Variants in ZC3HAV1 observed in about 807,000 individuals in gnomAD.
The protein encoded by ZC3HAV1 is zinc finger CCCH-type containing, antiviral 1.
In ZC3HAV1, 41 loss-of-function variants were observed where a neutral mutation model predicts 86.6. The ratio of observed to expected loss-of-function variants is 0.47; its 90% CI spans 0.37 to 0.61. The LOEUF is 0.61. Among genes scored for constraint, ZC3HAV1 ranks in the 20% least tolerant of loss-of-function variants. The pLI, the probability that ZC3HAV1 is intolerant of heterozygous loss-of-function variation, is 0.00. For missense variants in ZC3HAV1, 964 were observed against 1,141.1 expected, an observed-to-expected ratio of 0.84 and a Z score of 2.24; for synonymous variants, 421 against 432.1, an observed-to-expected ratio of 0.97 and a Z score of 0.32.
chr7:139,052,583 C>G (rs1429588481), intron 12 of ZC3HAV1, among the ~76,000 whole-genome samples: 1 of 81,646 alleles, frequency 1.2e-5, no homozygotes. Context: ...CCAGCCTGGG[C>G]AATAAAAGCG....
At chr7:139,106,644 C>CTATG (rs777072855) in intron 1 of ZC3HAV1, among the ~76,000 whole-genome samples, 21 of 152,130 alleles carry the variant, frequency 1.4e-4, no homozygotes, top group Middle Eastern at 3.4e-3. Context: ...AGGATTATGT[C>CTATG]TATGTATCCT....
In ZC3HAV1 at chr7:139,080,098, G is replaced by A. The variant is rs1479357368; in HGVS notation, c.843C>T (p.His281=). Residue 281 remains histidine, a synonymous_variant, in exon 4 of 13, where the codon CAC becomes CAT. Transcript: ENST00000242351. Reference sequence around the variant, plus strand: ...CAGGCGCGTCCTCCAGGGAAGCCCTGTGGCTGATCTGATCTGGACTAGGTG... The same window carrying A: ...CAGGCGCGTCCTCCAGGGAAGCCCTATGGCTGATCTGATCTGGACTAGGTG... ...SCTPSPDQIS[H]RASLEDAPVD... 3 of 1,614,056 alleles carry A rather than the reference G, an allele frequency of 1.9e-6. No individual in the cohort carries two copies. Among genetic ancestry groups the A allele is most frequent in the South Asian group, 2.2e-5 (2 of 91,086 alleles).
chr7:139,053,927 G>A (rs771475055), intron 11 of ZC3HAV1, 38 bp downstream of exon 11: 49 of 1,585,152 alleles, frequency 3.1e-5, no homozygotes, highest in African/African-American at 1.1e-4. Flanking sequence ...AATCCTTTCC[G>A]GTTTTATGTA....
At chr7:139,103,201 C>T (rs918885654) in intron 1 of ZC3HAV1, among the ~76,000 whole-genome samples, 3 of 150,144 alleles carry the variant, frequency 2.0e-5, no homozygotes, top group African/African-American at 7.3e-5. Context: ...CCACCACGCC[C>T]AGCTAATATT....
At chr7:139,067,806 C>A (rs1250676482) in intron 7 of ZC3HAV1, among the ~76,000 whole-genome samples, 1 of 151,924 alleles carries the variant, frequency 6.6e-6, no homozygotes, top group Admixed American at 6.6e-5. Context: ...AAAGTGAAGA[C>A]CTAAAGCTGC....
chr7:139,059,442 C>A (rs536615663), intron 9 of ZC3HAV1, among the ~76,000 whole-genome samples: 1 of 152,082 alleles, frequency 6.6e-6, no homozygotes, highest in East Asian at 1.9e-4. Flanking sequence ...CACGGTGAAA[C>A]CCTGTCTCTA....
Position 139,065,015 on chromosome 7 carries a change from A to T in ZC3HAV1, c.1873-16T>A, listed in dbSNP as rs773911069. 4 of 1,613,660 alleles carry T rather than the reference A, an allele frequency of 2.5e-6. No individual in the cohort carries two copies. The highest frequency in any genetic ancestry group is 1.3e-5 in the African/African-American group (1 of 74,872). On this transcript the variant is annotated splice_polypyrimidine_tract_variant and intron_variant, in intron 7 of 12. Transcript: ENST00000242351. ...GTTTGTCTTTCTAATTGGAAAAAAA[A>T]TAAAAGGTAAAGTCAGGGTAGGCTT...
In ZC3HAV1 at chr7:139,047,606, G is replaced by A. The variant is rs148750088; in HGVS notation, c.2697C>T (p.Cys899=). 2.2e-4 allele frequency: 359 copies of A among 1,613,822 alleles called. No homozygotes were observed. The highest frequency in any genetic ancestry group is 2.7e-4 in the Non-Finnish European group (321 of 1,179,988). Residue 899 remains cysteine (C), a synonymous_variant, in exon 13 of 13, where the codon TGC becomes TGT. Transcript: ENST00000242351. ...GTATTCATCGGTTCTAACTAATCACGCAGGCTTTGTCTTCAGTATATTCAA... is the reference window on the plus strand; with the variant it reads ...GTATTCATCGGTTCTAACTAATCACACAGGCTTTGTCTTCAGTATATTCAA... ...YVIEYTEDKA[C]VIS
intron 1 of ZC3HAV1, among the ~76,000 whole-genome samples, chr7:139,102,344 G>A (rs1817798288): frequency 1.3e-5 from 2 of 152,056 alleles, no homozygotes; most frequent in Admixed American, 1.3e-4. Flanking sequence ...TGCCCGGGCT[G>A]GTCTCGAACC....
chr7:139,099,535 A>G (rs1482192893), intron 1 of ZC3HAV1, among the ~76,000 whole-genome samples: 1 of 152,236 alleles, frequency 6.6e-6, no homozygotes, highest in Non-Finnish European at 1.5e-5. Context: ...GGCTGAGGAA[A>G]GGGGAGAATG....
At chr7:139,066,976 A>T (rs1816623856) in intron 7 of ZC3HAV1, among the ~76,000 whole-genome samples, 1 of 152,168 alleles carries the variant, frequency 6.6e-6, no homozygotes, top group Non-Finnish European at 1.5e-5. Flanking sequence ...TACTTCAGCC[A>T]GCTCCCGGGT....
At chr7:139,057,635 T>G (rs1816326136) in intron 9 of ZC3HAV1, among the ~76,000 whole-genome samples, 1 of 77,026 alleles carries the variant, frequency 1.3e-5, no homozygotes, top group Non-Finnish European at 2.4e-5. Context: ...GCCTCCCGGG[T>G]TCACGCCATT....
Position 139,053,994 on chromosome 7 carries a change from C to G in ZC3HAV1, c.2289G>C (p.Glu763Asp). ...NFKIEKIKKI[E>D]NSELLDKFTW... ...TAAATTTATCCAGGAGCTCTGAGTT[C>G]TCGATCTTCTTTATCTTTTCAATCT... The change falls in exon 11 of 13, where the codon GAG becomes GAC. Residue 763 changes from glutamate to aspartate, a missense_variant. Physicochemically the swap from Glu to Asp is conservative, Grantham distance 45. Transcript: ENST00000242351. 6.2e-7 allele frequency: 1 copy of G among 1,606,546 alleles called. No individual in the cohort carries two copies. Among genetic ancestry groups the G allele is most frequent in the Non-Finnish European group, 8.5e-7 (1 of 1,178,246 alleles).
At chr7:139,087,957 A>G (rs1014564996) in intron 2 of ZC3HAV1, among the ~76,000 whole-genome samples, 1 of 145,240 alleles carries the variant, frequency 6.9e-6, no homozygotes, top group Non-Finnish European at 1.5e-5. Flanking sequence ...ACTTCAGCCC[A>G]GGAGGTCAAG....
rs1383078944 is a variant in ZC3HAV1 at position 139,068,678 on chromosome 7, G to A, written c.1873-3679C>T. On this transcript the variant is annotated intron_variant, in intron 7 of 12. Transcript: ENST00000242351. ...CCACTAAGTCAGTGTCTGAGTACCT[G>A]CACAGCCTAGCATGGCTCCACACCG... Among the ~76,000 whole-genome samples the A allele has an allele frequency of 2.0e-5, 3 of 152,178 alleles. No homozygotes were observed. The East Asian group carries it at 5.8e-4, about 29-fold the overall frequency.
rs372920712 is a variant in ZC3HAV1, at chr7:139,080,027, C to T, written c.914G>A (p.Arg305His). The change falls in exon 4 of 13, where the codon CGC becomes CAC. Residue 305 changes from arginine (R) to histidine (H), a missense_variant. Physicochemically the swap from Arg to His is conservative, Grantham distance 29 (BLOSUM62 0). Coordinates refer to ENST00000242351, the MANE Select transcript of ZC3HAV1 (RefSeq NM_020119.4). ...GGACGAGCCTGAGGGAGGCCGAGCGCGATCCTGACTCCCCAGATACGTGAA... is the reference window on the plus strand; with the variant it reads ...GGACGAGCCTGAGGGAGGCCGAGCGTGATCCTGACTCCCCAGATACGTGAA... Reference protein sequence around the residue: ...RKFTYLGSQDRARPPSGSSKA... With the variant: ...RKFTYLGSQDHARPPSGSSKA... 103 of 1,614,052 alleles carry T rather than the reference C, an allele frequency of 6.4e-5. No individual in the cohort carries two copies. Among genetic ancestry groups the T allele is most frequent in the Non-Finnish European group, 8.1e-5 (96 of 1,180,040 alleles).
chr7:139,080,249 G>C lies in ZC3HAV1; in HGVS notation c.698-6C>G. On this transcript the variant is annotated splice_region_variant and splice_polypyrimidine_tract_variant and intron_variant, in intron 3 of 12. Transcript: ENST00000242351. ...TCTACGATGTGAAGAAGGAGCTAAGGGGAAAAAAAGCCAAAATGAAACAAA... is the reference window on the plus strand; with the variant it reads ...TCTACGATGTGAAGAAGGAGCTAAGCGGAAAAAAAGCCAAAATGAAACAAA... The C allele has an allele frequency of 6.2e-7, 1 of 1,612,658 alleles. No homozygotes were observed. Among genetic ancestry groups the C allele is most frequent in the Non-Finnish European group, 8.5e-7 (1 of 1,179,958 alleles).
chr7:139,072,433 CA>C (rs377603821), intron 7 of ZC3HAV1, among the ~76,000 whole-genome samples: 1,747 of 152,224 alleles, frequency 0.011, 35 homozygotes, highest in African/African-American at 0.04. Context: ...TGATCCACCC[CA>C]CCTCGGCCTC....
intron 9 of ZC3HAV1, among the ~76,000 whole-genome samples, chr7:139,059,087 T>C (rs17160701): frequency 0.014 from 2,144 of 152,286 alleles, 55 homozygotes; most frequent in African/African-American, 0.049. Flanking sequence ...GCCAGAACGA[T>C]TGTAACGATT....
Sources: gnomAD v4.1 joint callset for allele counts (sites outside exome capture counted in the v4.1 genomes callset) on GRCh38, gnomAD v4.1.1 for gene constraint, MANE v1.5 for transcripts, NCBI Gene and HGNC (gene_info 2026-07-23, HGNC 2026-07-21) for gene names.